COX7B2: variants seen among roughly 807,000 people sequenced by gnomAD.
The protein encoded by COX7B2 is cytochrome c oxidase subunit 7B2, mitochondrial.
For missense variants in COX7B2, 109 were observed against 95.9 expected, an observed-to-expected ratio of 1.14 and a Z score of -0.57; for synonymous variants, 37 against 32.1, an observed-to-expected ratio of 1.15 and a Z score of -0.51.
At chr4:46,858,165 C>T (rs943959870) in intron 1 of COX7B2, among the ~76,000 whole-genome samples, 4 of 152,106 alleles carry the variant, frequency 2.6e-5, no homozygotes, top group African/African-American at 9.7e-5. Context: ...ATGATCTCGG[C>T]TTACTGCAAT....
chr4:46,847,527 C>T (rs1317383498), intron 1 of COX7B2, among the ~76,000 whole-genome samples: 1 of 151,980 alleles, frequency 6.6e-6, no homozygotes, highest in African/African-American at 2.4e-5. Context: ...TTGCAGAAGA[C>T]CCAGGTAAGC....
At chr4:46,837,491 T>C (rs1715598790) in intron 2 of COX7B2, among the ~76,000 whole-genome samples, 1 of 152,024 alleles carries the variant, frequency 6.6e-6, no homozygotes, top group African/African-American at 2.4e-5. Context: ...AAAAGCACAT[T>C]ACATTGCCAG....
At chr4:46,772,282 C>T (rs539014779) in intron 2 of COX7B2, among the ~76,000 whole-genome samples, 4 of 152,148 alleles carry the variant, frequency 2.6e-5, no homozygotes, top group South Asian at 2.1e-4. Flanking sequence ...GGTGTTGTCA[C>T]GCACTGGGGT....
intron 2 of COX7B2, among the ~76,000 whole-genome samples, chr4:46,762,589 A>G (rs1401168600): frequency 6.7e-6 from 1 of 148,746 alleles, no homozygotes; most frequent in East Asian, 2.0e-4. Context: ...CTGCTTTCTA[A>G]TGTTCTAAAC....
chr4:46,735,750 C>A (rs375241299), intron 2 of COX7B2, among the ~76,000 whole-genome samples: 1 of 152,154 alleles, frequency 6.6e-6, no homozygotes, highest in African/African-American at 2.4e-5. Context: ...TCTGTGAAGT[C>A]TTTTCCATAT....
intron 2 of COX7B2, among the ~76,000 whole-genome samples, chr4:46,738,180 G>A (rs545708154): frequency 6.6e-6 from 1 of 152,120 alleles, no homozygotes; most frequent in Admixed American, 6.5e-5. Context: ...GTGATAACAG[G>A]GATTTCTAGT....
chr4:46,797,111 A>G (rs898583625), intron 2 of COX7B2, among the ~76,000 whole-genome samples: 1 of 134,372 alleles, frequency 7.4e-6, no homozygotes, highest in African/African-American at 2.7e-5. Flanking sequence ...AAAAAAAAAA[A>G]AAAAAAAAAA....
rs568011790 is a variant in COX7B2 at position 46,740,461 on chromosome 4, TAA to T, written c.-49-5222_-49-5221del. 2.1e-3 allele frequency among the ~76,000 whole-genome samples: 314 copies of T among 152,256 alleles called. 1 individual carries two copies. The highest frequency in any genetic ancestry group is 7.1e-3 in the African/African-American group (296 of 41,578). ...ATTCAGTTTCAAGTTTACCCATATG[TAA>T]GTTATTTTGTAATAAAATAATTTAA... On this transcript the variant is annotated intron_variant, in intron 2 of 2. Transcript: ENST00000355591.
At chr4:46,824,627 C>T (rs1276019362) in intron 2 of COX7B2, among the ~76,000 whole-genome samples, 2 of 144,552 alleles carry the variant, frequency 1.4e-5, no homozygotes, top group Non-Finnish European at 3.0e-5. Flanking sequence ...TCTGAGCCTG[C>T]TTATTATGTG....
At chr4:46,843,135 C>T (rs1716049463) in intron 2 of COX7B2, among the ~76,000 whole-genome samples, 1 of 152,030 alleles carries the variant, frequency 6.6e-6, no homozygotes, top group Non-Finnish European at 1.5e-5. Context: ...TTTTGATTTG[C>T]ATTTCTCTGA....
intron 2 of COX7B2, among the ~76,000 whole-genome samples, chr4:46,742,580 C>T (rs879896430): frequency 2.6e-5 from 4 of 152,076 alleles, no homozygotes; most frequent in Admixed American, 6.6e-5. Flanking sequence ...GCATCATCTC[C>T]TAAGTCACTG....
rs145136530 is a variant in COX7B2, at chr4:46,766,109, A to G, written c.-49-30868T>C. Among the ~76,000 whole-genome samples the G allele has an allele frequency of 6.8e-3, 1,031 of 152,328 alleles. 11 individuals are homozygous for G. The highest frequency in any genetic ancestry group is 0.024 in the African/African-American group (988 of 41,576). ...ACAAAGGATGACAGAGTTCATCAAC[A>G]TTAGACCTGCTTTACTAGAAATGCT... is the stretch of plus-strand genomic sequence containing the variant. On this transcript the variant is annotated intron_variant, in intron 2 of 2. Transcript: ENST00000355591.
Position 46,735,161 on chromosome 4 carries a change from C to T in COX7B2, c.32G>A (p.Ser11Asn). Residue 11 changes from serine to asparagine, a missense_variant, in exon 3 of 3, where the codon AGC (serine) becomes AAC (asparagine). By Grantham distance (46) the Ser-to-Asn change is conservative. Coordinates refer to ENST00000355591, the MANE Select transcript of COX7B2 (RefSeq NM_130902.3). ...CAGAATGCTTTGAATCTTGAGACTGCTTAGTGCATTTCTGGCCAAGGGAAA... is the reference window on the plus strand; with the variant it reads ...CAGAATGCTTTGAATCTTGAGACTGTTTAGTGCATTTCTGGCCAAGGGAAA... Reference protein sequence around the residue: MMFPLARNALSSLKIQSILQS... With the variant: MMFPLARNALNSLKIQSILQS... The T allele has an allele frequency of 6.2e-7, 1 of 1,613,450 alleles. No homozygotes were observed. Among genetic ancestry groups the T allele is most frequent in the Non-Finnish European group, 8.5e-7 (1 of 1,179,798 alleles).
At chr4:46,895,986 TG>T (rs1719735356) in intron 1 of COX7B2, among the ~76,000 whole-genome samples, 1 of 152,102 alleles carries the variant, frequency 6.6e-6, no homozygotes, top group Non-Finnish European at 1.5e-5. Flanking sequence ...TAAGTAAATT[TG>T]GAGGGGAGAG....
intron 2 of COX7B2, among the ~76,000 whole-genome samples, chr4:46,837,021 G>T (rs1715559889): frequency 6.6e-6 from 1 of 152,030 alleles, no homozygotes; most frequent in Non-Finnish European, 1.5e-5. Context: ...TTAGTCAATA[G>T]TTTAATCCAC....
At chr4:46,898,277 G>A (rs527641212) in intron 1 of COX7B2, among the ~76,000 whole-genome samples, 1 of 152,188 alleles carries the variant, frequency 6.6e-6, no homozygotes, top group East Asian at 1.9e-4. Context: ...TCATAACTTA[G>A]GTCTACAAGA....
At chr4:46,896,663 A>G (rs1475034112) in intron 1 of COX7B2, among the ~76,000 whole-genome samples, 1 of 152,092 alleles carries the variant, frequency 6.6e-6, no homozygotes, top group Non-Finnish European at 1.5e-5. Flanking sequence ...AAAGGACTAG[A>G]AGAACAAGAA....
intron 2 of COX7B2, among the ~76,000 whole-genome samples, chr4:46,825,690 G>A (rs182803029): frequency 1.1e-3 from 163 of 152,104 alleles, no homozygotes; most frequent in African/African-American, 3.6e-3. Flanking sequence ...CAGGAACATC[G>A]ACCAATGGAA....
At chr4:46,888,598 C>T (rs1719228377) in intron 1 of COX7B2, among the ~76,000 whole-genome samples, 2 of 152,092 alleles carry the variant, frequency 1.3e-5, no homozygotes, top group African/African-American at 2.4e-5. Context: ...CGCCCACCAC[C>T]ATGCCTGGCT....
Sources: gnomAD v4.1 joint callset for allele counts (sites outside exome capture counted in the v4.1 genomes callset) on GRCh38, gnomAD v4.1.1 for gene constraint, MANE v1.5 for transcripts, NCBI Gene and HGNC (gene_info 2026-07-23, HGNC 2026-07-21) for gene names.